Variants in RPS6KA1 observed in about 807,000 individuals in gnomAD.
RPS6KA1 encodes ribosomal protein S6 kinase alpha-1.
In RPS6KA1, 48 loss-of-function variants were observed where a neutral mutation model predicts 91.3. That is an observed-to-expected ratio of 0.53 (90% CI 0.42 to 0.67). The LOEUF (loss-of-function observed/expected upper bound fraction) is 0.67. RPS6KA1 is among the 30% of genes least tolerant of loss of function. RPS6KA1 has a pLI of 0.00. For missense variants in RPS6KA1, 719 were observed against 960.5 expected (o/e 0.75, Z 3.32); for synonymous variants, 359 against 384.7 (o/e 0.93, Z 0.78).
intron 15 of RPS6KA1, 93 bp downstream of exon 15, chr1:26,560,944 T>C: frequency 3.1e-6 from 5 of 1,603,634 alleles, no homozygotes; most frequent in Non-Finnish European, 4.3e-6. Context: ...TCTGCAGATG[T>C]ATGAAAGGTG....
chr1:26,546,832 G>A lies in RPS6KA1; in HGVS notation c.109-35G>A, dbSNP rs759322244. 5.8e-6 allele frequency: 9 copies of A among 1,563,206 alleles called. No homozygotes were observed. The Admixed American group carries it at 1.2e-4, about 20-fold the overall frequency. On this transcript the variant is annotated intron_variant, in intron 2 of 21. Transcript: ENST00000374168. ...GGGAGCCTCCTGCTGCCTGGATGGG[G>A]CCCACCATGCCCACCAGCTCTGTCC...
intron 1 of RPS6KA1, among the ~76,000 whole-genome samples, chr1:26,531,776 T>C (rs2075869184): frequency 6.6e-6 from 1 of 152,168 alleles, no homozygotes; most frequent in Admixed American, 6.5e-5. Flanking sequence ...TGCTAGGTTC[T>C]AGCCTCCACT....
chr1:26,559,008 T>C, intron 14 of RPS6KA1, 71 bp downstream of exon 14: 1 of 1,552,556 alleles, frequency 6.4e-7, no homozygotes, highest in East Asian at 2.3e-5. Flanking sequence ...GGCTCTGAGT[T>C]GGACAGAACC....
At chr1:26,570,655 T>C (rs1223199733) in intron 17 of RPS6KA1, among the ~76,000 whole-genome samples, 1 of 152,200 alleles carries the variant, frequency 6.6e-6, no homozygotes, top group African/African-American at 2.4e-5. Flanking sequence ...AGATATTTAT[T>C]GAATACCTGC....
intron 13 of RPS6KA1, among the ~76,000 whole-genome samples, chr1:26,557,816 C>CTCCTTCCCTT (rs2076117464): frequency 7.7e-6 from 1 of 129,298 alleles, no homozygotes; most frequent in African/African-American, 2.9e-5. Context: ...CCCCTTCCCT[C>CTCCTTCCCTT]TCCTTCCCTT....
Position 26,551,308 on chromosome 1 carries a change from C to A in RPS6KA1, c.308-89C>A, listed in dbSNP as rs779019008. ...CTTTGGGAGCTCAGGCCTGGAGGAA[C>A]AAGTGGAAAAGAGATCCCTTAGCGG... On this transcript the variant is annotated intron_variant, in intron 4 of 21. Coordinates refer to ENST00000374168, the MANE Select transcript of RPS6KA1 (RefSeq NM_002953.4). This position sits in a 1 kb window ranked among gnomAD's most constrained non-coding sequence, Gnocchi z 4.5. The A allele has an allele frequency of 5.1e-6, 6 of 1,165,116 alleles. No homozygotes were observed. Among genetic ancestry groups the A allele is most frequent in the Admixed American group, 3.5e-5 (2 of 56,554 alleles). The allele number at this position is 1,165,116 out of a possible 1,614,324, so 72.2% of individuals were successfully genotyped here.
At chr1:26,545,137 C>T (rs1473875986) in intron 2 of RPS6KA1, among the ~76,000 whole-genome samples, 1 of 151,680 alleles carries the variant, frequency 6.6e-6, no homozygotes, top group Non-Finnish European at 1.5e-5. Context: ...GTGTTCTCTC[C>T]TGCCCCTGCC....
chr1:26,534,327 A>T (rs796260134), intron 1 of RPS6KA1, among the ~76,000 whole-genome samples: 12 of 152,284 alleles, frequency 7.9e-5, no homozygotes, highest in African/African-American at 2.9e-4. Flanking sequence ...CAAGATGTTG[A>T]TGATGGACAA....
chr1:26,548,272 C>T (rs943527629), intron 4 of RPS6KA1, among the ~76,000 whole-genome samples: 6 of 151,994 alleles, frequency 3.9e-5, no homozygotes, highest in African/African-American at 9.6e-5. Flanking sequence ...TAAGCATACC[C>T]GACAGTGTGG....
rs1025156065 is a variant in RPS6KA1 at position 26,551,008 on chromosome 1, C to T, written c.308-389C>T. 2.6e-5 allele frequency among the ~76,000 whole-genome samples: 4 copies of T among 152,040 alleles called. No individual in the cohort carries two copies. Among genetic ancestry groups the T allele is most frequent in the African/African-American group, 9.7e-5 (4 of 41,398 alleles). On this transcript the variant is annotated intron_variant, in intron 4 of 21. Coordinates refer to ENST00000374168, the MANE Select transcript of RPS6KA1 (RefSeq NM_002953.4). This position sits in a 1 kb window ranked among gnomAD's most constrained non-coding sequence, Gnocchi z 4.5. Reference sequence around the variant, plus strand: ...TTTTTATGCCAGATGGAAAGCAGAGCTGGTGAAGGCATGCCAGGGGGAGGT... The same window carrying T: ...TTTTTATGCCAGATGGAAAGCAGAGTTGGTGAAGGCATGCCAGGGGGAGGT...
At position 26,551,026 on chromosome 1, in the gene RPS6KA1, G is replaced by C. The variant is rs548705536; in HGVS notation, c.308-371G>C. On this transcript the variant is annotated intron_variant, in intron 4 of 21. Coordinates refer to ENST00000374168, the MANE Select transcript of RPS6KA1 (RefSeq NM_002953.4). This position sits in a 1 kb window ranked among gnomAD's most constrained non-coding sequence, Gnocchi z 4.5. ...AGCAGAGCTGGTGAAGGCATGCCAG[G>C]GGGAGGTGCAGAGGCAAAGTCTGAG... Among the ~76,000 whole-genome samples the C allele has an allele frequency of 2.0e-4, 30 of 152,254 alleles. No homozygotes were observed. In the East Asian group the frequency reaches 5.4e-3, roughly 27 times the overall value.
Position 26,551,352 on chromosome 1 carries a change from G to A in RPS6KA1, c.308-45G>A, listed in dbSNP as rs749312699. 1.9e-6 allele frequency: 3 copies of A among 1,566,312 alleles called. No individual in the cohort carries two copies. The highest frequency in any genetic ancestry group is 2.6e-6 in the Non-Finnish European group (3 of 1,137,250). ...TTAGCGGGGGCTTGGGAGTGGCTGT[G>A]TTGAGTGTCTAGGCTACTGGTGACT... On this transcript the variant is annotated intron_variant, in intron 4 of 21. Coordinates refer to ENST00000374168, the MANE Select transcript of RPS6KA1 (RefSeq NM_002953.4). The surrounding 1 kb of genome is among the most constrained non-coding windows in gnomAD (Gnocchi z 4.5).
chr1:26,530,059 C>T, intron 1 of RPS6KA1, 76 bp downstream of exon 1: 1 of 1,077,980 alleles, frequency 9.3e-7, no homozygotes, highest in Non-Finnish European at 1.2e-6. Context: ...CGGCCCGAAG[C>T]GCCGCTGCAG....
chr1:26,553,911 A>G (rs1570441691), intron 7 of RPS6KA1: 2 of 333,274 alleles, frequency 6.0e-6, no homozygotes, highest in Non-Finnish European at 1.1e-5. Flanking sequence ...GTCTCCACCT[A>G]CTAGCTAGAC....
intron 1 of RPS6KA1, among the ~76,000 whole-genome samples, chr1:26,532,815 G>T (rs2075877828): frequency 6.6e-6 from 1 of 152,206 alleles, no homozygotes; most frequent in Non-Finnish European, 1.5e-5. Context: ...CTCAGAACTG[G>T]GGGCAGTGGT....
At chr1:26,556,760 G>A (rs1430727879) in intron 12 of RPS6KA1, 42 bp downstream of exon 12, 2 of 1,606,488 alleles carry the variant, frequency 1.2e-6, no homozygotes, top group South Asian at 2.2e-5. Flanking sequence ...CCAGGGCTCA[G>A]CCATCTTGGC....
intron 17 of RPS6KA1, among the ~76,000 whole-genome samples, chr1:26,567,777 A>G (rs910576887): frequency 6.6e-6 from 1 of 152,200 alleles, no homozygotes; most frequent in African/African-American, 2.4e-5. Context: ...TGTGATGTCC[A>G]TCATTTCCCA....
At position 26,529,985 on chromosome 1, in the gene RPS6KA1, T is replaced by G; in HGVS notation, c.63+2T>G. ...GAGCTAGTGCCTCTGGACCCGGAGG[T>G]GAGTGAGCGGGGCGGGGGACGGGCG... On this transcript the variant is annotated splice_donor_variant, in intron 1 of 21. Coordinates refer to ENST00000374168, the MANE Select transcript of RPS6KA1 (RefSeq NM_002953.4). LOFTEE classifies it high-confidence loss of function. The surrounding 1 kb of genome is among the most constrained non-coding windows in gnomAD (Gnocchi z 4.2). The G allele has an allele frequency of 7.1e-7, 1 of 1,399,620 alleles. No individual in the cohort carries two copies. The allele number at this position is 1,399,620 out of a possible 1,614,324, so 86.7% of individuals were successfully genotyped here. A position where few individuals can be genotyped will look rare whatever the true frequency, so the allele number is the denominator to read the frequency against.
intron 15 of RPS6KA1, 95 bp downstream of exon 15, chr1:26,560,946 T>A (rs1317121455): frequency 1.2e-6 from 2 of 1,603,696 alleles, no homozygotes; most frequent in African/African-American, 1.3e-5. Flanking sequence ...TGCAGATGTA[T>A]GAAAGGTGTG....
Sources: allele counts gnomAD v4.1 joint callset (sites outside exome capture counted in the v4.1 genomes callset), GRCh38; gene constraint gnomAD v4.1.1; non-coding constraint Gnocchi (gnomAD v3.1); transcripts MANE v1.5; gene names NCBI Gene and HGNC (gene_info 2026-07-23, HGNC 2026-07-21).